Variants in ERC2 observed in about 807,000 individuals in gnomAD.
ERC2 encodes ERC protein 2.
In ERC2, 42 loss-of-function variants were observed where a neutral mutation model predicts 114.8. The ratio of observed to expected loss-of-function variants is 0.37; its 90% CI spans 0.29 to 0.47. The LOEUF is 0.47. Among genes scored for constraint, ERC2 ranks in the 20% least tolerant of loss-of-function variants. The pLI, the probability that ERC2 is intolerant of heterozygous loss-of-function variation, is 0.99. For missense variants in ERC2, 939 were observed against 1,150.7 expected (o/e 0.82, Z 2.66); for synonymous variants, 454 against 425.5 (o/e 1.07, Z -0.82).
chr3:55,861,333 C>T (rs1378229978), intron 14 of ERC2, among the ~76,000 whole-genome samples: 1 of 152,190 alleles, frequency 6.6e-6, no homozygotes, highest in Admixed American at 6.5e-5. Flanking sequence ...GGTTGCACCC[C>T]AAGATATGCA....
intron 17 of ERC2, 140 bp downstream of exon 17, chr3:55,683,654 C>T (rs1268187991): frequency 2.5e-5 from 17 of 684,304 alleles, no homozygotes; most frequent in Middle Eastern, 2.9e-4. Context: ...TCAGGGCACG[C>T]GGACATTCTG....
chr3:55,726,603 C>T (rs931705488), intron 15 of ERC2, among the ~76,000 whole-genome samples: 6 of 152,196 alleles, frequency 3.9e-5, no homozygotes, highest in Admixed American at 2.6e-4. Context: ...ACCACATCTG[C>T]GACTAATCCT....
intron 6 of ERC2, among the ~76,000 whole-genome samples, chr3:56,138,051 CTTT>C (rs920983143): frequency 9.1e-4 from 84 of 92,646 alleles, no homozygotes; most frequent in African/African-American, 3.2e-3. Flanking sequence ...AATGGTATTT[CTTT>C]TTTTTTTTTT....
intron 14 of ERC2, among the ~76,000 whole-genome samples, chr3:55,802,725 C>A (rs1157056368): frequency 6.6e-6 from 1 of 152,202 alleles, no homozygotes; most frequent in South Asian, 2.1e-4. Flanking sequence ...TGGAATAACC[C>A]AAGTTAGTTG....
chr3:55,944,009 T>G (rs2066975075), intron 13 of ERC2, among the ~76,000 whole-genome samples: 1 of 152,186 alleles, frequency 6.6e-6, no homozygotes, highest in Non-Finnish European at 1.5e-5. Context: ...GATTTCTATT[T>G]CAGGGACCAA....
intron 2 of ERC2, among the ~76,000 whole-genome samples, chr3:56,405,966 C>T (rs2060708687): frequency 7.1e-6 from 1 of 140,524 alleles, no homozygotes; most frequent in Non-Finnish European, 1.5e-5. Context: ...AATCTCGGCT[C>T]ACTGCAACCT....
chr3:56,343,203 C>CACACACACACACACAA (rs1256609099), intron 2 of ERC2, among the ~76,000 whole-genome samples: 1 of 150,580 alleles, frequency 6.6e-6, no homozygotes, highest in South Asian at 2.1e-4. Flanking sequence ...CACACACACA[C>CACACACACACACACAA]ACACACAAAC....
rs374196541 is a variant in ERC2 at position 55,982,873 on chromosome 3, G to T, written c.2267+3104C>A. Among the ~76,000 whole-genome samples, 12 of 152,334 alleles carry T rather than the reference G, an allele frequency of 7.9e-5. No homozygotes were observed. In the South Asian group the frequency reaches 8.3e-4, roughly 11 times the overall value. Reference sequence around the variant, plus strand: ...ACTTCACCTTTTGCTAGAAGAATGAGGGATTGAAAACACAGTGTTCAGCTT... The same window carrying T: ...ACTTCACCTTTTGCTAGAAGAATGATGGATTGAAAACACAGTGTTCAGCTT... On this transcript the variant is annotated intron_variant, in intron 12 of 17. Transcript: ENST00000288221.
intron 2 of ERC2, among the ~76,000 whole-genome samples, chr3:56,407,134 C>T (rs940397181): frequency 1.3e-5 from 2 of 152,248 alleles, no homozygotes; most frequent in South Asian, 2.1e-4. Flanking sequence ...GAACCCAAAC[C>T]GCTAATCTCG....
chr3:55,967,425 G>A (rs866555993), intron 12 of ERC2, among the ~76,000 whole-genome samples: 42 of 152,110 alleles, frequency 2.8e-4, no homozygotes, highest in African/African-American at 8.7e-4. Flanking sequence ...TCTCAACCTC[G>A]TATTTCTCAG....
intron 14 of ERC2, among the ~76,000 whole-genome samples, chr3:55,851,078 T>C (rs57460732): frequency 0.15 from 22,612 of 151,614 alleles, 2,246 homozygotes; most frequent in South Asian, 0.31. Context: ...TCAGATGTTG[T>C]TTGAAATTCA....
intron 14 of ERC2, among the ~76,000 whole-genome samples, chr3:55,837,397 A>G (rs2060938952): frequency 6.6e-6 from 1 of 152,144 alleles, no homozygotes; most frequent in Admixed American, 6.5e-5. Flanking sequence ...AATGTGGCAC[A>G]TATACACCAT....
intron 10 of ERC2, among the ~76,000 whole-genome samples, chr3:56,003,983 G>T (rs1159386262): frequency 3.3e-5 from 5 of 151,988 alleles, no homozygotes; most frequent in Non-Finnish European, 7.4e-5. Context: ...GTGAAATATT[G>T]TAGAAACTGT....
chr3:56,435,739 G>T (rs955813973), intron 1 of ERC2, among the ~76,000 whole-genome samples: 14 of 152,098 alleles, frequency 9.2e-5, no homozygotes, highest in Non-Finnish European at 1.3e-4. Context: ...CAATCAACTG[G>T]TATTAACACA....
In ERC2 at chr3:55,811,638, C is replaced by G. The variant is rs112795737; in HGVS notation, c.2565-76720G>C. The stretch of plus-strand genomic sequence containing the variant: ...GGTTCCCACTGCCAGGGATACTGGT[C>G]TTGTTCCTACTCCTTTGCCTACCTA... On this transcript the variant is annotated intron_variant, in intron 14 of 17. Transcript: ENST00000288221. Among the ~76,000 whole-genome samples the G allele has an allele frequency of 5.0e-3, 757 of 152,306 alleles. 6 individuals carry two copies. Among genetic ancestry groups the G allele is most frequent in the African/African-American group, 0.017 (717 of 41,558 alleles).
chr3:55,871,181 C>A lies in ERC2; in HGVS notation c.2564+17208G>T, dbSNP rs530501165. Reference sequence around the variant, plus strand: ...CAAATAATCAATACTGGAGTAAGCTCCCAGAAAGCTGGGACTAAGCCATGA... The same window carrying A: ...CAAATAATCAATACTGGAGTAAGCTACCAGAAAGCTGGGACTAAGCCATGA... On this transcript the variant is annotated intron_variant, in intron 14 of 17. Coordinates refer to ENST00000288221, the MANE Select transcript of ERC2 (RefSeq NM_015576.3). Among the ~76,000 whole-genome samples, 6 of 152,244 alleles carry A rather than the reference C, an allele frequency of 3.9e-5. 1 individual carries two copies. In the East Asian group the frequency reaches 1.2e-3, roughly 29 times the overall value.
chr3:55,872,235 G>A (rs2062618321), intron 14 of ERC2, among the ~76,000 whole-genome samples: 1 of 152,168 alleles, frequency 6.6e-6, no homozygotes, highest in South Asian at 2.1e-4. Flanking sequence ...GGCATCTCCT[G>A]CCTTTGGAGG....
intron 13 of ERC2, among the ~76,000 whole-genome samples, chr3:55,944,301 T>C (rs2066994673): frequency 6.6e-6 from 1 of 152,248 alleles, no homozygotes. Flanking sequence ...GAAAACCCTT[T>C]GGAAAAGAAT....
intron 7 of ERC2, among the ~76,000 whole-genome samples, chr3:56,049,262 C>T (rs919526461): frequency 6.6e-6 from 1 of 152,184 alleles, no homozygotes; most frequent in African/African-American, 2.4e-5. Flanking sequence ...GCAGAAACGG[C>T]TGATAGGAAG....
Sources: gnomAD v4.1 joint callset for allele counts (sites outside exome capture counted in the v4.1 genomes callset) on GRCh38, gnomAD v4.1.1 for gene constraint, MANE v1.5 for transcripts, NCBI Gene and HGNC (gene_info 2026-07-23, HGNC 2026-07-21) for gene names.